The following THSD7B variants were observed in gnomAD, a reference collection of about 807,000 sequenced individuals.
THSD7B encodes the protein thrombospondin type-1 domain-containing protein 7B.
Under a neutral mutation model 213.6 loss-of-function variants are expected in THSD7B, and 138 were observed. That is an observed-to-expected ratio of 0.65 (90% CI 0.56 to 0.74). The LOEUF (loss-of-function observed/expected upper bound fraction) is 0.74. THSD7B is among the 30% of genes least tolerant of loss of function. The pLI, the probability that THSD7B is intolerant of heterozygous loss-of-function variation, is 0.00. For synonymous variants in THSD7B, 742 were observed against 687.0 expected, an observed-to-expected ratio of 1.08 and a Z score of -1.25; for missense variants, 1,931 against 1,991.5, an observed-to-expected ratio of 0.97 and a Z score of 0.58.
chr2:137,568,262 C>T (rs1573714622), intron 16 of THSD7B, among the ~76,000 whole-genome samples: 1 of 151,914 alleles, frequency 6.6e-6, no homozygotes, highest in Non-Finnish European at 1.5e-5. Flanking sequence ...TGCCTTAAAG[C>T]AGTTTTGCAA....
chr2:137,533,272 C>T (rs550565423), intron 15 of THSD7B, among the ~76,000 whole-genome samples: 5 of 151,890 alleles, frequency 3.3e-5, no homozygotes, highest in Admixed American at 1.3e-4. Context: ...CGTGCCTCTC[C>T]AGGATTGTTT....
rs1274036956 is a variant in THSD7B, at chr2:137,556,613, G to A, written c.3139-6608G>A. Among the ~76,000 whole-genome samples, 8 of 152,296 alleles carry A rather than the reference G, an allele frequency of 5.3e-5. No individual in the cohort carries two copies. In the South Asian group the frequency reaches 1.5e-3, roughly 28 times the overall value. On this transcript the variant is annotated intron_variant, in intron 15 of 27. Coordinates refer to ENST00000409968, the MANE Select transcript of THSD7B (RefSeq NM_001316349.2). ...ATGCCAAATTGTAAAGACCATCGAT[G>A]CTAGGAAGAAACTGCATCAACTAAT... is the stretch of plus-strand genomic sequence containing the variant.
chr2:136,892,084 G>T (rs900894563), intron 2 of THSD7B, among the ~76,000 whole-genome samples: 46 of 152,084 alleles, frequency 3.0e-4, no homozygotes, highest in Middle Eastern at 3.4e-3. Context: ...CAGGGCAGCC[G>T]GGATCCTTAC....
chr2:137,435,612 G>A (rs939572171), intron 14 of THSD7B, among the ~76,000 whole-genome samples: 1 of 152,120 alleles, frequency 6.6e-6, no homozygotes, highest in Non-Finnish European at 1.5e-5. Context: ...TTGAACTGAA[G>A]AACATTTTCA....
intron 1 of THSD7B, among the ~76,000 whole-genome samples, chr2:136,835,052 A>G (rs574903545): frequency 1.3e-5 from 2 of 152,214 alleles, no homozygotes; most frequent in East Asian, 3.9e-4. Flanking sequence ...CAAAGCTGAG[A>G]CTTAGATTTG....
intron 16 of THSD7B, among the ~76,000 whole-genome samples, chr2:137,565,192 C>T (rs1681209422): frequency 9.2e-5 from 14 of 152,120 alleles, no homozygotes; most frequent in Admixed American, 9.2e-4. Context: ...AAAGTTCTGT[C>T]ATTTAAGTGA....
intron 14 of THSD7B, among the ~76,000 whole-genome samples, chr2:137,438,172 T>C (rs185900734): frequency 2.9e-4 from 44 of 152,258 alleles, no homozygotes; most frequent in Admixed American, 2.7e-3. Flanking sequence ...AAATTGAAGA[T>C]TGGAGAGGTT....
chr2:136,899,174 T>C (rs1684018920), intron 2 of THSD7B, among the ~76,000 whole-genome samples: 1 of 152,178 alleles, frequency 6.6e-6, no homozygotes, highest in South Asian at 2.1e-4. Flanking sequence ...CTGGTTCAAA[T>C]AGTAAAGAGA....
At chr2:136,862,149 C>A (rs1325360698) in intron 1 of THSD7B, among the ~76,000 whole-genome samples, 1 of 152,134 alleles carries the variant, frequency 6.6e-6, no homozygotes, top group African/African-American at 2.4e-5. Flanking sequence ...CACAATTTCC[C>A]ATTAGGGGTG....
At chr2:136,990,408 T>C (rs1685754871) in intron 2 of THSD7B, among the ~76,000 whole-genome samples, 1 of 151,952 alleles carries the variant, frequency 6.6e-6, no homozygotes, top group African/African-American at 2.4e-5. Flanking sequence ...TGAGCAAGAG[T>C]GGCCGAGAGT....
intron 2 of THSD7B, among the ~76,000 whole-genome samples, chr2:136,930,940 A>C: frequency 6.6e-6 from 1 of 152,152 alleles, no homozygotes; most frequent in East Asian, 1.9e-4. Flanking sequence ...TACATTCCCC[A>C]GAGCAGTCAT....
chr2:137,584,533 T>G lies in THSD7B; in HGVS notation c.3423+11977T>G, dbSNP rs542290526. ...CCATCAATACCTAGTTTATTGAGAG[T>G]TTTTAGCATGAAGGGCTGTTGAATT... On this transcript the variant is annotated intron_variant, in intron 17 of 27. Transcript: ENST00000409968. Among the ~76,000 whole-genome samples the G allele has an allele frequency of 8.5e-5, 13 of 152,216 alleles. No homozygotes were observed. The South Asian group carries it at 2.7e-3, about 32-fold the overall frequency.
intron 1 of THSD7B, among the ~76,000 whole-genome samples, chr2:136,832,874 C>T (rs909958618): frequency 6.6e-6 from 1 of 152,124 alleles, no homozygotes; most frequent in African/African-American, 2.4e-5. Context: ...ACTCTTGAAG[C>T]CTGGCCAGTA....
chr2:137,253,162 G>T (rs1682226684), intron 10 of THSD7B, among the ~76,000 whole-genome samples: 1 of 152,090 alleles, frequency 6.6e-6, no homozygotes, highest in South Asian at 2.1e-4. Context: ...TATGCAGTCT[G>T]TGTGTACTTG....
chr2:136,982,217 C>CT (rs1685587556), intron 2 of THSD7B, among the ~76,000 whole-genome samples: 2 of 152,100 alleles, frequency 1.3e-5, no homozygotes, highest in Non-Finnish European at 1.5e-5. Context: ...TTTAGATATT[C>CT]TTAAACCTTC....
chr2:136,934,128 A>G (rs1213136896), intron 2 of THSD7B, among the ~76,000 whole-genome samples: 2 of 152,192 alleles, frequency 1.3e-5, no homozygotes, highest in Admixed American at 6.5e-5. Context: ...ATATCTTATT[A>G]GTTTCAAAAC....
At chr2:137,348,157 C>T (rs537782907) in intron 12 of THSD7B, among the ~76,000 whole-genome samples, 1 of 151,694 alleles carries the variant, frequency 6.6e-6, no homozygotes, top group South Asian at 2.1e-4. Context: ...GAACCAAATG[C>T]AAAATTTTAT....
intron 6 of THSD7B, among the ~76,000 whole-genome samples, chr2:137,165,044 G>C (rs892231431): frequency 2.0e-5 from 3 of 152,070 alleles, no homozygotes; most frequent in Non-Finnish European, 4.4e-5. Context: ...AAAAGAAAGA[G>C]TGAAAGAAAA....
chr2:137,459,549 C>A (rs1687841227), intron 15 of THSD7B, among the ~76,000 whole-genome samples: 1 of 151,938 alleles, frequency 6.6e-6, no homozygotes, highest in Admixed American at 6.6e-5. Context: ...GCCGTAATCC[C>A]AGCTACCTGG....
Sources: gnomAD v4.1 joint callset for allele counts (sites outside exome capture counted in the v4.1 genomes callset) on GRCh38, gnomAD v4.1.1 for gene constraint, MANE v1.5 for transcripts, NCBI Gene and HGNC (gene_info 2026-07-23, HGNC 2026-07-21) for gene names.